The following CHODL variants were observed in gnomAD, a reference collection of about 807,000 sequenced individuals.
CHODL encodes chondrolectin.
In CHODL, 29 loss-of-function variants were observed where a neutral mutation model predicts 34.5. That is an observed-to-expected ratio of 0.84 (90% CI 0.63 to 1.15). CHODL has a LOEUF of 1.15. CHODL is among the 50% of genes most tolerant of loss of function. CHODL has a pLI of 0.00. For synonymous variants in CHODL, 125 were observed against 116.1 expected (o/e 1.08, Z -0.49); for missense variants, 332 against 332.5 (o/e 1.00, Z 0.01).
At chr21:17,954,543 A>C (rs73323211) in intron 1 of CHODL, among the ~76,000 whole-genome samples, 3,439 of 136,274 alleles carry the variant, frequency 0.025, 420 homozygotes, top group African/African-American at 0.081. Context: ...AGAGGAAGGG[A>C]GAATTTGTTC....
Position 18,262,075 on chromosome 21 carries a change from G to A in CHODL, c.635-716G>A, listed in dbSNP as rs2074389251. 3.9e-5 allele frequency among the ~76,000 whole-genome samples: 6 copies of A among 152,092 alleles called. No individual in the cohort carries two copies. In the South Asian group the frequency reaches 1.2e-3, roughly 32 times the overall value. The stretch of plus-strand genomic sequence containing the variant: ...TTTTGTAAGTAATGATTGAGAAGGA[G>A]TAATGAAATGAGTTAGCTAAGGTTC... On this transcript the variant is annotated intron_variant, in intron 4 of 5. Transcript: ENST00000299295.
At chr21:18,211,824 C>T (rs767774444) in intron 2 of CHODL, among the ~76,000 whole-genome samples, 7 of 152,180 alleles carry the variant, frequency 4.6e-5, no homozygotes, top group Non-Finnish European at 7.3e-5. Context: ...GATCGTGCCT[C>T]TCTAGGCTTG....
At chr21:17,996,950 A>G (rs780053683) in intron 1 of CHODL, among the ~76,000 whole-genome samples, 13 of 152,212 alleles carry the variant, frequency 8.5e-5, no homozygotes, top group Non-Finnish European at 1.8e-4. Flanking sequence ...CTAAATACAT[A>G]TTACTTTAAA....
intron 2 of CHODL, among the ~76,000 whole-genome samples, chr21:18,107,739 G>A (rs1284141659): frequency 2.0e-5 from 3 of 152,186 alleles, no homozygotes; most frequent in African/African-American, 7.2e-5. Flanking sequence ...GAAATGGCCT[G>A]AGCTCAGTAG....
intron 2 of CHODL, among the ~76,000 whole-genome samples, chr21:18,028,354 G>C (rs770765627): frequency 1.7e-5 from 2 of 119,586 alleles, no homozygotes; most frequent in Admixed American, 9.2e-5. Flanking sequence ...TCTTCTATCT[G>C]TGTAACTTAT....
intron 1 of CHODL, among the ~76,000 whole-genome samples, chr21:18,013,391 A>G (rs2064037372): frequency 7.3e-6 from 1 of 136,146 alleles, no homozygotes; most frequent in Admixed American, 7.7e-5. Context: ...TCCCAATTGT[A>G]CAGTGCTGCC....
chr21:18,094,486 T>G (rs1435702132), intron 2 of CHODL, among the ~76,000 whole-genome samples: 7 of 152,054 alleles, frequency 4.6e-5, no homozygotes, highest in Non-Finnish European at 1.0e-4. Context: ...GTCAAAACAT[T>G]CAAAAATTGA....
intron 1 of CHODL, among the ~76,000 whole-genome samples, chr21:18,013,447 AG>A (rs11354464): frequency 1 from 152,062 of 152,062 alleles, 76,031 homozygotes; most frequent in Non-Finnish European, 1. Context: ...TCTCTGTCTC[AG>A]GGACTTGGTC....
At chr21:17,957,298 A>G (rs2037317909) in intron 1 of CHODL, among the ~76,000 whole-genome samples, 1 of 152,186 alleles carries the variant, frequency 6.6e-6, no homozygotes, top group Non-Finnish European at 1.5e-5. Flanking sequence ...CGGTTGCAGA[A>G]TGATTTTAAT....
chr21:18,040,111 A>G (rs2064357248), intron 2 of CHODL, among the ~76,000 whole-genome samples: 2 of 151,866 alleles, frequency 1.3e-5, no homozygotes, highest in Non-Finnish European at 1.5e-5. Flanking sequence ...GAGTCTTATA[A>G]TTTATTTGTT....
At chr21:17,934,906 A>T (rs2063307241) in intron 1 of CHODL, among the ~76,000 whole-genome samples, 2 of 152,194 alleles carry the variant, frequency 1.3e-5, no homozygotes, top group African/African-American at 2.4e-5. Context: ...GCCAATAGAC[A>T]CCTATTTATT....
intron 2 of CHODL, among the ~76,000 whole-genome samples, chr21:18,065,371 G>C (rs1469261320): frequency 7.9e-5 from 12 of 152,260 alleles, no homozygotes; most frequent in Non-Finnish European, 1.5e-5. Context: ...ATTGTATGAT[G>C]AATGGATTTA....
intron 2 of CHODL, among the ~76,000 whole-genome samples, chr21:18,116,242 G>A (rs2065411467): frequency 6.6e-6 from 1 of 151,930 alleles, no homozygotes; most frequent in African/African-American, 2.4e-5. Flanking sequence ...GACCCATATG[G>A]CCCCTTCTGT....
At chr21:18,022,892 A>G (rs1448174679) in intron 1 of CHODL, among the ~76,000 whole-genome samples, 3 of 152,180 alleles carry the variant, frequency 2.0e-5, no homozygotes, top group East Asian at 3.9e-4. Flanking sequence ...TTCCTTTGGA[A>G]CCCAATCTCT....
chr21:18,209,053 G>T (rs2073745743), intron 2 of CHODL, among the ~76,000 whole-genome samples: 1 of 152,092 alleles, frequency 6.6e-6, no homozygotes, highest in Non-Finnish European at 1.5e-5. Flanking sequence ...AGGCCCTAGG[G>T]CTCTACAATC....
chr21:18,264,750 AT>A (rs2074430634), intron 5 of CHODL, among the ~76,000 whole-genome samples: 1 of 152,096 alleles, frequency 6.6e-6, no homozygotes, highest in South Asian at 2.1e-4. Flanking sequence ...GTGGGCCAGA[AT>A]TCCAAATGTG....
intron 2 of CHODL, among the ~76,000 whole-genome samples, chr21:18,112,371 A>G (rs1030971901): frequency 1.3e-5 from 2 of 152,188 alleles, no homozygotes; most frequent in Admixed American, 6.5e-5. Flanking sequence ...TGCAATCTCT[A>G]TCAAAATACC....
chr21:18,223,093 T>C (rs2073899429), intron 2 of CHODL, among the ~76,000 whole-genome samples: 1 of 152,012 alleles, frequency 6.6e-6, no homozygotes, highest in African/African-American at 2.4e-5. Context: ...AGTAAAATGA[T>C]CCAGTGACTA....
intron 2 of CHODL, among the ~76,000 whole-genome samples, chr21:18,101,917 G>A (rs1333366362): frequency 1.3e-5 from 2 of 151,994 alleles, no homozygotes; most frequent in Admixed American, 6.6e-5. Flanking sequence ...TGAGGCAGAT[G>A]AAGTGTCCAA....
Sources: gnomAD v4.1 joint callset for allele counts (sites outside exome capture counted in the v4.1 genomes callset) on GRCh38, gnomAD v4.1.1 for gene constraint, MANE v1.5 for transcripts, NCBI Gene and HGNC (gene_info 2026-07-23, HGNC 2026-07-21) for gene names.